SEMA6D: variants seen among roughly 807,000 people sequenced by gnomAD.
The protein encoded by SEMA6D is semaphorin-6D.
In SEMA6D, 35 loss-of-function variants were observed where a neutral mutation model predicts 106.6. That is an observed-to-expected ratio of 0.33 (90% CI 0.25 to 0.44). The LOEUF is 0.44. SEMA6D is among the 20% of genes least tolerant of loss of function. SEMA6D has a pLI of 1.00. For missense variants in SEMA6D, 1,185 were observed against 1,345.9 expected (o/e 0.88, Z 1.87); for synonymous variants, 499 against 487.7 (o/e 1.02, Z -0.31).
intron 3 of SEMA6D, among the ~76,000 whole-genome samples, chr15:47,473,354 G>A (rs1325334086): frequency 6.6e-6 from 1 of 152,102 alleles, no homozygotes. Context: ...TCAGAGAGTC[G>A]GTACCTCTTG....
intron 4 of SEMA6D, among the ~76,000 whole-genome samples, chr15:47,686,131 T>C (rs1196174063): frequency 5.3e-5 from 8 of 152,174 alleles, no homozygotes; most frequent in Non-Finnish European, 8.8e-5. Flanking sequence ...TGGCAACATA[T>C]ATTAAGAGGA....
At chr15:47,207,948 G>A (rs1480331393) in intron 1 of SEMA6D, among the ~76,000 whole-genome samples, 24 of 149,880 alleles carry the variant, frequency 1.6e-4, no homozygotes, top group African/African-American at 5.9e-4. Context: ...TAATGGACAG[G>A]AGGGAGTGAC....
At chr15:47,226,151 T>C (rs750209915) in intron 1 of SEMA6D, among the ~76,000 whole-genome samples, 1 of 152,104 alleles carries the variant, frequency 6.6e-6, no homozygotes, top group Non-Finnish European at 1.5e-5. Context: ...TAAAGGTAGC[T>C]ATTAAGGTAA....
Position 47,642,377 on chromosome 15 carries a change from A to AT in SEMA6D, c.-55+41490dup, listed in dbSNP as rs966582686. Among the ~76,000 whole-genome samples, 27 of 151,742 alleles carry AT rather than the reference A, an allele frequency of 1.8e-4. No homozygotes were observed. In the South Asian group the frequency reaches 4.6e-3, roughly 26 times the overall value. ...GTGAAGATCATTCAGACTCTACGTG[A>AT]TTTTTTTTTACTCAAAACCCAGTGC... On this transcript the variant is annotated intron_variant, in intron 4 of 19. Transcript: ENST00000558014.
chr15:47,195,280 A>AC (rs919344058), intron 1 of SEMA6D, among the ~76,000 whole-genome samples: 27 of 151,956 alleles, frequency 1.8e-4, no homozygotes, highest in African/African-American at 6.3e-4. Flanking sequence ...CTGTGTGAAG[A>AC]CCCCAGAGCA....
intron 3 of SEMA6D, among the ~76,000 whole-genome samples, chr15:47,486,729 T>G (rs778622724): frequency 6.6e-6 from 1 of 152,216 alleles, no homozygotes; most frequent in African/African-American, 2.4e-5. Context: ...GTACGTACAT[T>G]TTTATAGGAG....
At position 47,694,642 on chromosome 15, in the gene SEMA6D, A is replaced by G. The variant is rs1193174150; in HGVS notation, c.-54-65103A>G. On this transcript the variant is annotated intron_variant, in intron 4 of 19. Coordinates refer to the SEMA6D transcript ENST00000558014. ...CTGTGGCTTAGCTGTGTATTCATTC[A>G]CCTGATACAAATAGCAATATTTTTC... Among the ~76,000 whole-genome samples the G allele has an allele frequency of 2.0e-5, 3 of 152,042 alleles. No homozygotes were observed. In the East Asian group the frequency reaches 5.8e-4, roughly 30 times the overall value.
chr15:47,547,679 T>C (rs1303673913), intron 3 of SEMA6D, among the ~76,000 whole-genome samples: 3 of 152,168 alleles, frequency 2.0e-5, no homozygotes, highest in Non-Finnish European at 4.4e-5. Flanking sequence ...GCTCATAGAA[T>C]CTTAGTTTGA....
At chr15:47,475,383 G>T (rs906113783) in intron 3 of SEMA6D, among the ~76,000 whole-genome samples, 2 of 152,150 alleles carry the variant, frequency 1.3e-5, no homozygotes, top group African/African-American at 4.8e-5. Flanking sequence ...AGAATGTCTT[G>T]AAGGTTCTAT....
intron 2 of SEMA6D, among the ~76,000 whole-genome samples, chr15:47,461,903 G>C (rs574749262): frequency 6.6e-4 from 101 of 152,138 alleles, no homozygotes; most frequent in African/African-American, 2.2e-3. Context: ...TTACCTCCCA[G>C]TGTGCCCAGG....
intron 1 of SEMA6D, among the ~76,000 whole-genome samples, chr15:47,263,231 A>G (rs1027290165): frequency 2.6e-5 from 4 of 152,214 alleles, no homozygotes; most frequent in African/African-American, 9.6e-5. Context: ...TCTGCACAGC[A>G]AAAGAAACTA....
intron 1 of SEMA6D, among the ~76,000 whole-genome samples, chr15:47,365,534 C>T (rs1450410264): frequency 5.9e-5 from 9 of 152,040 alleles, no homozygotes; most frequent in African/African-American, 2.2e-4. Flanking sequence ...AACTAGTCTG[C>T]TGATGCCTGA....
At chr15:47,253,799 T>G (rs79731033) in intron 1 of SEMA6D, among the ~76,000 whole-genome samples, 3,814 of 152,246 alleles carry the variant, frequency 0.025, 166 homozygotes, top group African/African-American at 0.088. Context: ...TTCCTACAGC[T>G]TTTTTCTTTT....
intron 3 of SEMA6D, among the ~76,000 whole-genome samples, chr15:47,581,192 T>C (rs933927653): frequency 6.6e-6 from 1 of 152,214 alleles, no homozygotes; most frequent in African/African-American, 2.4e-5. Flanking sequence ...GTGCTATTAT[T>C]TTTATTGTTG....
chr15:47,704,601 C>G (rs1464197867), intron 4 of SEMA6D, among the ~76,000 whole-genome samples: 1 of 151,994 alleles, frequency 6.6e-6, no homozygotes, highest in Non-Finnish European at 1.5e-5. Flanking sequence ...GTCCCAGCTA[C>G]CCAGGAGGCT....
intron 4 of SEMA6D, among the ~76,000 whole-genome samples, chr15:47,689,976 A>C (rs889778862): frequency 6.6e-6 from 1 of 152,202 alleles, no homozygotes; most frequent in African/African-American, 2.4e-5. Context: ...GATTTAGAGC[A>C]AAATGTTTCC....
intron 1 of SEMA6D, among the ~76,000 whole-genome samples, chr15:47,722,723 A>T (rs1013546770): frequency 6.6e-6 from 1 of 152,226 alleles, no homozygotes; most frequent in African/African-American, 2.4e-5. Context: ...AATCAGCCAC[A>T]AAACATCTGA....
chr15:47,763,034 C>G lies in SEMA6D; in HGVS notation c.677C>G (p.Ala226Gly). 1 of 1,610,756 alleles carries G rather than the reference C, an allele frequency of 6.2e-7. No homozygotes were observed. Among genetic ancestry groups the G allele is most frequent in the East Asian group, 2.2e-5 (1 of 44,694 alleles). ...KWIKEPHFLHAIEYGNYVYFF... is the reference protein window; with the variant it reads ...KWIKEPHFLHGIEYGNYVYFF... ...CTTTCAGAGCCACACTTTCTTCATG[C>G]CATAGAATATGGAAACTATGTCTAT... is the stretch of plus-strand genomic sequence containing the variant. Residue 226 changes from alanine (A) to glycine (G), a missense_variant, in exon 9 of 19, where the codon GCC becomes GGC. By Grantham distance (60) the Ala-to-Gly change is moderately conservative. Coordinates refer to ENST00000536845, the MANE Select transcript of SEMA6D (RefSeq NM_001358351.3).
At chr15:47,274,838 G>C (rs970425369) in intron 1 of SEMA6D, 1 of 152,112 alleles carries the variant, frequency 6.6e-6, no homozygotes, top group Non-Finnish European at 1.5e-5. Context: ...AAGTTTGATG[G>C]TCCACTCTTT....
Sources: allele counts gnomAD v4.1 joint callset (sites outside exome capture counted in the v4.1 genomes callset), GRCh38; gene constraint gnomAD v4.1.1; transcripts MANE v1.5; gene names NCBI Gene and HGNC (gene_info 2026-07-23, HGNC 2026-07-21).